Variants in TNRC6B observed in about 807,000 individuals in gnomAD.
TNRC6B encodes trinucleotide repeat containing adaptor 6B.
In TNRC6B, 52 loss-of-function variants were observed where a neutral mutation model predicts 203.6. The observed-to-expected ratio is 0.26, with a 90% CI of 0.20 to 0.32. TNRC6B has a LOEUF of 0.32. Ranked by LOEUF, TNRC6B falls within the 10% of genes least tolerant of loss-of-function variation. The probability of loss-of-function intolerance (pLI) is 1.00; values close to 1 mark genes in which losing one functional copy is unlikely to be tolerated. For missense variants in TNRC6B, 1,923 were observed against 2,286.2 expected (o/e 0.84, Z 3.24); for synonymous variants, 838 against 845.7 (o/e 0.99, Z 0.16).
At chr22:40,154,550 A>T (rs907505319) in intron 3 of TNRC6B, among the ~76,000 whole-genome samples, 1 of 151,238 alleles carries the variant, frequency 6.6e-6, no homozygotes, top group Non-Finnish European at 1.5e-5. Flanking sequence ...TTAAAAATAC[A>T]TATTTTCTGG....
chr22:40,107,141 A>G (rs73424265), intron 1 of TNRC6B: 13,127 of 585,282 alleles, frequency 0.022, 1,077 homozygotes, highest in African/African-American at 0.19. Context: ...CATGTTTGTC[A>G]GGTTTTTAAT....
intron 1 of TNRC6B, among the ~76,000 whole-genome samples, chr22:40,235,338 C>T (rs528207017): frequency 1.3e-5 from 2 of 152,216 alleles, no homozygotes; most frequent in African/African-American, 4.8e-5. Flanking sequence ...AGGTGACGCC[C>T]AGCACCACAC....
chr22:40,221,714 C>T lies in TNRC6B; in HGVS notation c.6-24301C>T, dbSNP rs540558523. Reference sequence around the variant, plus strand: ...TTGGCCTCTCAAAGTGCGGGGATTACAGGTGTGAGCCACCACACCTGGCCC... The same window carrying T: ...TTGGCCTCTCAAAGTGCGGGGATTATAGGTGTGAGCCACCACACCTGGCCC... On this transcript the variant is annotated intron_variant, in intron 1 of 22. Coordinates refer to ENST00000454349, the MANE Select transcript of TNRC6B (RefSeq NM_001162501.2). Among the ~76,000 whole-genome samples the T allele has an allele frequency of 5.3e-5, 8 of 150,616 alleles. No individual in the cohort carries two copies. The South Asian group carries it at 6.3e-4, about 12-fold the overall frequency.
At position 40,231,400 on chromosome 22, in the gene TNRC6B, G is replaced by A. The variant is rs928076701; in HGVS notation, c.6-14615G>A. Among the ~76,000 whole-genome samples, 9 of 152,160 alleles carry A rather than the reference G, an allele frequency of 5.9e-5. 1 individual carries two copies. Among genetic ancestry groups the A allele is most frequent in the Non-Finnish European group, 8.8e-5 (6 of 68,004 alleles). Reference sequence around the variant, plus strand: ...GAGCATGGTACATCTCTTCACTTACGTAGGTTTTTAAAAATTTCTATCCGC... The same window carrying A: ...GAGCATGGTACATCTCTTCACTTACATAGGTTTTTAAAAATTTCTATCCGC... On this transcript the variant is annotated intron_variant, in intron 1 of 22. Transcript: ENST00000454349.
chr22:40,184,644 C>G (rs898925719), intron 1 of TNRC6B, among the ~76,000 whole-genome samples: 2 of 152,186 alleles, frequency 1.3e-5, no homozygotes, highest in African/African-American at 4.8e-5. Context: ...CCAGATGATA[C>G]TGTAGTAATC....
chr22:40,144,675 G>A (rs960699970), intron 3 of TNRC6B, among the ~76,000 whole-genome samples: 4 of 108,718 alleles, frequency 3.7e-5, no homozygotes, highest in East Asian at 2.1e-4. Context: ...ACTCCGTCTC[G>A]GAAAAAAAAA....
chr22:40,079,428 A>G (rs1344773291), intron 1 of TNRC6B, among the ~76,000 whole-genome samples: 1 of 152,178 alleles, frequency 6.6e-6, no homozygotes, highest in Non-Finnish European at 1.5e-5. Flanking sequence ...GCAAGCCCAC[A>G]TTAGTCTGCC....
intron 4 of TNRC6B, among the ~76,000 whole-genome samples, chr22:40,163,575 C>G (rs2068891402): frequency 6.6e-6 from 1 of 150,778 alleles, no homozygotes; most frequent in Non-Finnish European, 1.5e-5. Flanking sequence ...CCAGCCTGGC[C>G]AACATGGAGA....
At chr22:40,159,256 C>G (rs1352719251) in intron 4 of TNRC6B, among the ~76,000 whole-genome samples, 1 of 150,692 alleles carries the variant, frequency 6.6e-6, no homozygotes, top group Non-Finnish European at 1.5e-5. Flanking sequence ...AGCCACCGCA[C>G]CTGGCCGGAA....
At chr22:40,320,952 C>A (rs549739275) in intron 21 of TNRC6B, 138 bp from the exon 22 acceptor site, 3 of 927,448 alleles carry the variant, frequency 3.2e-6, no homozygotes, top group African/African-American at 3.3e-5. Flanking sequence ...GAATCATATG[C>A]TTTTGTTTTG....
intron 12 of TNRC6B, among the ~76,000 whole-genome samples, chr22:40,290,214 G>A (rs892934335): frequency 2.6e-5 from 4 of 152,222 alleles, no homozygotes; most frequent in Non-Finnish European, 5.9e-5. Flanking sequence ...TGGACTGGAA[G>A]CACTGAATTT....
At chr22:40,247,371 A>G (rs1408370760) in intron 2 of TNRC6B, among the ~76,000 whole-genome samples, 1 of 152,198 alleles carries the variant, frequency 6.6e-6, no homozygotes, top group Non-Finnish European at 1.5e-5. Context: ...GTCACACACA[A>G]GCCAGTGTAA....
chr22:40,135,309 G>T (rs1331614452), intron 3 of TNRC6B, among the ~76,000 whole-genome samples: 5 of 152,200 alleles, frequency 3.3e-5, no homozygotes, highest in African/African-American at 1.2e-4. Context: ...TCAGTGGGAA[G>T]ACTGACCTTA....
At chr22:40,198,276 T>C (rs1426461638) in intron 1 of TNRC6B, among the ~76,000 whole-genome samples, 1 of 152,186 alleles carries the variant, frequency 6.6e-6, no homozygotes, top group African/African-American at 2.4e-5. Flanking sequence ...TGATGCAAAG[T>C]TGAATTTTAG....
At chr22:40,218,731 G>A (rs1386395249) in intron 1 of TNRC6B, among the ~76,000 whole-genome samples, 2 of 152,168 alleles carry the variant, frequency 1.3e-5, no homozygotes, top group African/African-American at 4.8e-5. Context: ...GACCAAGCAT[G>A]GGCGGCACAA....
At chr22:40,211,738 C>A (rs764953302) in intron 1 of TNRC6B, among the ~76,000 whole-genome samples, 1 of 152,116 alleles carries the variant, frequency 6.6e-6, no homozygotes, top group East Asian at 1.9e-4. Context: ...AGGAGAACTC[C>A]GGCAGCAGTC....
Position 40,323,047 on chromosome 22 carries a change from A to T in TNRC6B, c.5308A>T (p.Thr1770Ser). The T allele has an allele frequency of 6.2e-7, 1 of 1,601,698 alleles. No individual in the cohort carries two copies. The highest frequency in any genetic ancestry group is 2.3e-5 in the East Asian group (1 of 44,444). ...TGCTCTGAATCTTTTTGGTGGGTCC[A>T]CTGGGCTCGGGCAGTGGAGCAGCAG... ...GPALNLFGGSTGLGQWSSSAG... is the reference protein window; with the variant it reads ...GPALNLFGGSSGLGQWSSSAG... Residue 1770 changes from threonine (T) to serine (S), a missense_variant, in exon 23 of 23, where the codon ACT becomes TCT. Thr to Ser is a moderately conservative substitution (Grantham distance 58). Around this residue, in one of 8 missense-constraint regions of TNRC6B, gnomAD observed 126 missense variants for 137.5 expected, o/e 0.92. Coordinates refer to ENST00000454349, the MANE Select transcript of TNRC6B (RefSeq NM_001162501.2).
chr22:40,157,356 T>C (rs1328679571), intron 4 of TNRC6B, among the ~76,000 whole-genome samples: 2 of 152,186 alleles, frequency 1.3e-5, no homozygotes, highest in Non-Finnish European at 2.9e-5. Flanking sequence ...ATTCATATTT[T>C]TTTTCCTAGA....
At chr22:40,136,097 TCCAGA>T (rs1938106389) in intron 3 of TNRC6B, among the ~76,000 whole-genome samples, 1 of 152,146 alleles carries the variant, frequency 6.6e-6, no homozygotes, top group Non-Finnish European at 1.5e-5. Context: ...TGGCACGGTC[TCCAGA>T]CCTGATGTAA....
Sources: allele counts gnomAD v4.1 joint callset (sites outside exome capture counted in the v4.1 genomes callset), GRCh38; gene constraint gnomAD v4.1.1; regional missense constraint gnomAD v4.1.1; transcripts MANE v1.5; gene names NCBI Gene and HGNC (gene_info 2026-07-23, HGNC 2026-07-21).